The following MALRD1 variants were observed in gnomAD, a reference collection of about 807,000 sequenced individuals.
The protein encoded by MALRD1 is MAM and LDL receptor class A domain containing 1.
Under a neutral mutation model 242.1 loss-of-function variants are expected in MALRD1, and 247 were observed. The observed-to-expected ratio is 1.02, with a 90% CI of 0.92 to 1.13. MALRD1 has a LOEUF of 1.13. MALRD1 is among the 50% of genes most tolerant of loss of function. The pLI is 0.00. For missense variants in MALRD1, 2,989 were observed against 2,533.1 expected (o/e 1.18, Z -3.86); for synonymous variants, 995 against 866.6 (o/e 1.15, Z -2.60).
chr10:19,095,228 A>G (rs1285951784), intron 4 of MALRD1, among the ~76,000 whole-genome samples: 2 of 152,184 alleles, frequency 1.3e-5, no homozygotes, highest in African/African-American at 4.8e-5. Context: ...TTCATTGTAA[A>G]AGTTGAATTA....
At chr10:19,507,018 T>C (rs1833173278) in intron 31 of MALRD1, among the ~76,000 whole-genome samples, 1 of 151,878 alleles carries the variant, frequency 6.6e-6, no homozygotes, top group Admixed American at 6.6e-5. Context: ...TTATGACAGA[T>C]GGTGAAGGGG....
intron 26 of MALRD1, among the ~76,000 whole-genome samples, chr10:19,373,352 C>T (rs1165263072): frequency 1.3e-5 from 2 of 151,596 alleles, no homozygotes; most frequent in South Asian, 4.2e-4. Context: ...AATACAGAAA[C>T]AACAACAAAA....
chr10:19,340,357 T>G (rs1482592162), intron 24 of MALRD1, among the ~76,000 whole-genome samples: 1 of 151,810 alleles, frequency 6.6e-6, no homozygotes, highest in African/African-American at 2.4e-5. Flanking sequence ...TTTTTTTTTT[T>G]TGTACCCATT....
chr10:19,333,046 T>C (rs143679066), intron 24 of MALRD1, among the ~76,000 whole-genome samples: 5 of 152,212 alleles, frequency 3.3e-5, no homozygotes, highest in African/African-American at 7.2e-5. Flanking sequence ...TGGTGTATGA[T>C]GTTCCCCTCC....
At chr10:19,442,866 C>A (rs2486058) in intron 28 of MALRD1, among the ~76,000 whole-genome samples, 119,966 of 151,592 alleles carry the variant, frequency 0.79, 48,286 homozygotes, top group African/African-American at 0.95. Context: ...CTCTTTCTCT[C>A]TTGATTGGAA....
chr10:19,605,967 G>A, intron 34 of MALRD1, among the ~76,000 whole-genome samples: 1 of 151,996 alleles, frequency 6.6e-6, no homozygotes, highest in Admixed American at 6.6e-5. Flanking sequence ...TAGCACCTTA[G>A]GAAGAATTGC....
At chr10:19,384,437 A>T (rs1266817173) in intron 26 of MALRD1, among the ~76,000 whole-genome samples, 1 of 117,578 alleles carries the variant, frequency 8.5e-6, no homozygotes, top group Non-Finnish European at 1.6e-5. Context: ...CATATATTAT[A>T]TATTATATAG....
intron 36 of MALRD1, among the ~76,000 whole-genome samples, chr10:19,673,829 C>G (rs917650485): frequency 4.0e-4 from 60 of 151,700 alleles, no homozygotes; most frequent in African/African-American, 1.4e-3. Flanking sequence ...ATTGATATAT[C>G]TATTTTAATA....
intron 30 of MALRD1, among the ~76,000 whole-genome samples, chr10:19,491,975 T>G (rs1003870700): frequency 6.6e-6 from 1 of 151,910 alleles, no homozygotes; most frequent in Non-Finnish European, 1.5e-5. Flanking sequence ...CAATCTGCCT[T>G]TCTTTATTGG....
chr10:19,672,397 A>G (rs1231211323), intron 36 of MALRD1, among the ~76,000 whole-genome samples: 3 of 150,828 alleles, frequency 2.0e-5, no homozygotes, highest in Admixed American at 2.0e-4. Flanking sequence ...GATTGATGCA[A>G]CAGAGATATA....
chr10:19,172,847 C>A (rs1328494497), intron 13 of MALRD1, among the ~76,000 whole-genome samples: 7 of 151,896 alleles, frequency 4.6e-5, no homozygotes, highest in Admixed American at 2.6e-4. Flanking sequence ...AAATCACAGT[C>A]ACTTAATGGT....
chr10:19,242,496 T>A (rs1378752678), intron 18 of MALRD1, among the ~76,000 whole-genome samples: 1 of 152,152 alleles, frequency 6.6e-6, no homozygotes, highest in East Asian at 1.9e-4. Context: ...TCAGATAATC[T>A]GTCCATTTTT....
At chr10:19,129,001 C>T (rs965326427) in intron 8 of MALRD1, among the ~76,000 whole-genome samples, 3 of 152,122 alleles carry the variant, frequency 2.0e-5, no homozygotes, top group South Asian at 2.1e-4. Flanking sequence ...TCTACTCTTA[C>T]GCACTCAGCA....
intron 18 of MALRD1, among the ~76,000 whole-genome samples, chr10:19,216,945 CAA>C (rs71200980): frequency 0.014 from 1,484 of 107,902 alleles, 20 homozygotes; most frequent in Non-Finnish European, 0.016. Flanking sequence ...GACTCCGTCT[CAA>C]AAAAAAAAAA....
At chr10:19,666,352 C>G (rs1841685123) in intron 36 of MALRD1, among the ~76,000 whole-genome samples, 1 of 152,118 alleles carries the variant, frequency 6.6e-6, no homozygotes, top group African/African-American at 2.4e-5. Flanking sequence ...TGGACGTTGT[C>G]ATCACCTACA....
chr10:19,093,969 G>T lies in MALRD1; in HGVS notation c.597+5784G>T, dbSNP rs1378945998. On this transcript the variant is annotated intron_variant, in intron 4 of 39. Transcript: ENST00000454679. Reference sequence around the variant, plus strand: ...CCCGTTCTCAGATCTCCAGCTGTGTGCTGGGAGAACCACTGCTGTCTTCAA... The same window carrying T: ...CCCGTTCTCAGATCTCCAGCTGTGTTCTGGGAGAACCACTGCTGTCTTCAA... Among the ~76,000 whole-genome samples the T allele has an allele frequency of 3.8e-5, 4 of 104,012 alleles. 1 individual carries two copies. Among genetic ancestry groups the T allele is most frequent in the Non-Finnish European group, 8.0e-5 (4 of 50,286 alleles). The allele number at this position is 104,012 out of a possible 152,430, so 68.2% of individuals were successfully genotyped here.
intron 36 of MALRD1, among the ~76,000 whole-genome samples, chr10:19,625,320 CT>C (rs35462096): frequency 6.6e-5 from 10 of 151,582 alleles, no homozygotes; most frequent in Non-Finnish European, 1.2e-4. Flanking sequence ...TGGCTGTTTC[CT>C]TTTTTTTAAC....
At chr10:19,193,060 T>C (rs1279626192) in intron 14 of MALRD1, among the ~76,000 whole-genome samples, 1 of 152,218 alleles carries the variant, frequency 6.6e-6, no homozygotes, top group African/African-American at 2.4e-5. Context: ...AATATAGCTT[T>C]ATATTCTTTT....
At chr10:19,402,375 C>T (rs776513146) in intron 28 of MALRD1, among the ~76,000 whole-genome samples, 10 of 152,206 alleles carry the variant, frequency 6.6e-5, no homozygotes, top group African/African-American at 1.7e-4. Flanking sequence ...CATTGAATCA[C>T]GGGGGTGATT....
Sources: gnomAD v4.1 joint callset for allele counts (sites outside exome capture counted in the v4.1 genomes callset) on GRCh38, gnomAD v4.1.1 for gene constraint, MANE v1.5 for transcripts, NCBI Gene and HGNC (gene_info 2026-07-23, HGNC 2026-07-21) for gene names.